The following SRGAP3 variants were observed in gnomAD, a reference collection of about 807,000 sequenced individuals.
SRGAP3 encodes the protein SLIT-ROBO Rho GTPase-activating protein 3.
SRGAP3 carries 39 observed loss-of-function variants against 121.1 expected under a neutral mutation model. That is an observed-to-expected ratio of 0.32 (90% CI 0.25 to 0.42). The LOEUF is 0.42. Among genes scored for constraint, SRGAP3 ranks in the 10% least tolerant of loss-of-function variants. The probability of loss-of-function intolerance (pLI) is 1.00; values close to 1 mark genes in which losing one functional copy is unlikely to be tolerated. For synonymous variants in SRGAP3, 601 were observed against 570.0 expected (o/e 1.05, Z -0.77); for missense variants, 1,213 against 1,470.6 (o/e 0.82, Z 2.86).
chr3:9,342,006 T>C (rs898962349), intron 1 of SRGAP3, among the ~76,000 whole-genome samples: 3 of 152,182 alleles, frequency 2.0e-5, no homozygotes, highest in African/African-American at 7.2e-5. Context: ...ACTAACACTT[T>C]GCTAACAACA....
intron 1 of SRGAP3, among the ~76,000 whole-genome samples, chr3:9,214,988 G>GGATAAAA: frequency 6.6e-6 from 1 of 152,256 alleles, no homozygotes; most frequent in Admixed American, 6.5e-5. Context: ...ATTCCTGGGA[G>GGATAAAA]GATAAAGTGA....
At chr3:9,300,020 A>G (rs1201779700) in intron 3 of SRGAP3, among the ~76,000 whole-genome samples, 1 of 151,294 alleles carries the variant, frequency 6.6e-6, no homozygotes, top group Non-Finnish European at 1.5e-5. Context: ...CATTTTTCCC[A>G]TATGTAAACT....
intron 1 of SRGAP3, among the ~76,000 whole-genome samples, chr3:9,247,473 G>GA (rs987689969): frequency 3.3e-5 from 5 of 151,692 alleles, no homozygotes; most frequent in South Asian, 2.1e-4. Flanking sequence ...GGTGAGACTG[G>GA]AAAAAAAACA....
At chr3:9,151,982 A>C (rs1239331621) in intron 1 of SRGAP3, among the ~76,000 whole-genome samples, 1 of 152,134 alleles carries the variant, frequency 6.6e-6, no homozygotes, top group Non-Finnish European at 1.5e-5. Context: ...CACATCATCC[A>C]TGTGTCCTAT....
At chr3:8,993,087 C>T (rs1942166201) in intron 19 of SRGAP3, 32 bp from the exon 20 acceptor site, 3 of 1,612,724 alleles carry the variant, frequency 1.9e-6, no homozygotes, top group Middle Eastern at 1.7e-4. Flanking sequence ...ATTGGAGGCA[C>T]CTTCCCCCAA....
Position 9,080,017 on chromosome 3 carries a change from G to A in SRGAP3, c.486+8C>T. ...CCCAAAACAGCAGTGAGCCTGGGCA[G>A]AACTTACTGTGTAGAGCTCATTGGT... On this transcript the variant is annotated splice_region_variant and intron_variant, in intron 4 of 21. Coordinates refer to ENST00000383836, the MANE Select transcript of SRGAP3 (RefSeq NM_014850.4). 6.2e-6 allele frequency: 10 copies of A among 1,614,146 alleles called. 1 individual carries two copies. Among genetic ancestry groups the A allele is most frequent in the Non-Finnish European group, 7.6e-6 (9 of 1,180,012 alleles).
intron 14 of SRGAP3, among the ~76,000 whole-genome samples, chr3:9,016,987 C>T (rs906024415): frequency 3.3e-5 from 5 of 152,080 alleles, no homozygotes; most frequent in Non-Finnish European, 7.4e-5. Flanking sequence ...TTTCTTGTGT[C>T]CTTTTAATGT....
At chr3:9,269,595 T>C (rs1049823928) in intron 3 of SRGAP3, among the ~76,000 whole-genome samples, 7 of 152,202 alleles carry the variant, frequency 4.6e-5, no homozygotes, top group African/African-American at 9.6e-5. Context: ...CCAGATACAA[T>C]TGAACCTCTC....
chr3:8,985,759 G>A lies in SRGAP3; in HGVS notation c.3060C>T (p.Asp1020=). ...TGCTGCGGCGCATGGCGGCATCGGGGTCGCGGATGACGATGGTGTGAAGGG... is the reference window on the plus strand; with the variant it reads ...TGCTGCGGCGCATGGCGGCATCGGGATCGCGGATGACGATGGTGTGAAGGG... ...ASPLHTIVIR[D]PDAAMRRSSS... The change falls in exon 22 of 22, where the codon GAC becomes GAT. Residue 1020 remains aspartate (D), a synonymous_variant. Transcript: ENST00000383836. This position sits in a 1 kb window ranked among gnomAD's most constrained non-coding sequence, Gnocchi z 5.1. 1 of 1,599,626 alleles carries A rather than the reference G, an allele frequency of 6.3e-7. No homozygotes were observed. The highest frequency in any genetic ancestry group is 8.5e-7 in the Non-Finnish European group (1 of 1,179,766).
At chr3:8,988,804 A>G (rs1484568180) in intron 21 of SRGAP3, among the ~76,000 whole-genome samples, 2 of 152,174 alleles carry the variant, frequency 1.3e-5, no homozygotes, top group African/African-American at 4.8e-5. Flanking sequence ...TCTCCTCAGG[A>G]GAGCACTACC....
intron 1 of SRGAP3, among the ~76,000 whole-genome samples, chr3:9,182,042 G>A (rs1409959931): frequency 6.6e-6 from 1 of 151,902 alleles, no homozygotes; most frequent in Non-Finnish European, 1.5e-5. Flanking sequence ...TGCATGTGGT[G>A]GCACATGCCT....
intron 3 of SRGAP3, among the ~76,000 whole-genome samples, chr3:9,321,770 C>A (rs932031846): frequency 2.0e-5 from 3 of 151,524 alleles, no homozygotes; most frequent in African/African-American, 7.3e-5. Context: ...ATGAGGAGAA[C>A]ACATGGACAC....
intron 1 of SRGAP3, among the ~76,000 whole-genome samples, chr3:9,140,800 A>G (rs1449117010): frequency 2.0e-5 from 3 of 152,246 alleles, no homozygotes; most frequent in Admixed American, 2.0e-4. Context: ...CAAATACTCT[A>G]CATAATAGGC....
Position 9,025,280 on chromosome 3 carries a change from G to A in SRGAP3, c.1659C>T (p.Ile553=). 3 of 1,614,134 alleles carry A rather than the reference G, an allele frequency of 1.9e-6. No homozygotes were observed. The highest frequency in any genetic ancestry group is 1.3e-5 in the African/African-American group (1 of 75,008). Residue 553 remains isoleucine (I), a synonymous_variant, in exon 14 of 22, where the codon ATC becomes ATT. Coordinates refer to ENST00000383836, the MANE Select transcript of SRGAP3 (RefSeq NM_014850.4). ...ACCCACCTCTCTCAAAGGAATTTTT[G>A]ATGTCATTGACTTCCACCTGAGATC... ...VPGSQVEVND[I]KNSFERGEDP...
At chr3:9,091,983 C>T (rs1247740096) in intron 3 of SRGAP3, among the ~76,000 whole-genome samples, 2 of 152,118 alleles carry the variant, frequency 1.3e-5, no homozygotes, top group Non-Finnish European at 1.5e-5. Flanking sequence ...GTTGCCAGGG[C>T]TGGTATATTG....
intron 1 of SRGAP3, among the ~76,000 whole-genome samples, chr3:9,178,909 C>G (rs546978588): frequency 3.0e-4 from 46 of 152,344 alleles, no homozygotes; most frequent in African/African-American, 1.1e-3. Context: ...CCTCAGGCCA[C>G]AGCTGCAACG....
intron 1 of SRGAP3, among the ~76,000 whole-genome samples, chr3:9,183,219 T>C (rs1951483982): frequency 6.6e-6 from 1 of 152,166 alleles, no homozygotes; most frequent in Non-Finnish European, 1.5e-5. Context: ...TTGTTTTAAA[T>C]AGCAGGCACA....
At position 9,193,752 on chromosome 3, in the gene SRGAP3, G is replaced by A. The variant is rs187117611; in HGVS notation, c.67+55133C>T. 1.3e-3 allele frequency: 199 copies of A among 152,470 alleles called. 2 individuals carry two copies. Among genetic ancestry groups the A allele is most frequent in the Non-Finnish European group, 3.4e-4 (23 of 68,142 alleles). 9.4% of individuals were successfully genotyped at this position (152,470 alleles called of 1,614,324 possible). ...TGGCGAGGAGTCCATGTCAGCTGCC[G>A]TCATCCACACCACAGATCAGACATG... On this transcript the variant is annotated intron_variant, in intron 1 of 21. Coordinates refer to ENST00000383836, the MANE Select transcript of SRGAP3 (RefSeq NM_014850.4).
Position 9,142,829 on chromosome 3 carries a change from C to CTTTTTTTTTTTT in SRGAP3, c.68-17924_68-17913dup, listed in dbSNP as rs397795766. Among the ~76,000 whole-genome samples, 62 of 90,850 alleles carry CTTTTTTTTTTTT rather than the reference C, an allele frequency of 6.8e-4. 1 individual carries two copies. The highest frequency in any genetic ancestry group is 1.1e-3 in the East Asian group (3 of 2,838). 59.6% of individuals were successfully genotyped at this position (90,850 alleles called of 152,430 possible). On this transcript the variant is annotated intron_variant, in intron 1 of 21. Transcript: ENST00000383836. ...GTCAACCAAGTTGGTGGGCAATTTCCTTTTTTTTTTTTTTTTTTTTTTTGA... is the reference window on the plus strand; with the variant it reads ...GTCAACCAAGTTGGTGGGCAATTTCCTTTTTTTTTTTTTTTTTTTTTTTTTTTTTTTTTTTGA...
Sources: gnomAD v4.1 joint callset for allele counts (sites outside exome capture counted in the v4.1 genomes callset) on GRCh38, gnomAD v4.1.1 for gene constraint, Gnocchi (gnomAD v3.1) non-coding constraint, MANE v1.5 for transcripts, NCBI Gene and HGNC (gene_info 2026-07-23, HGNC 2026-07-21) for gene names.